The following CCDC138 variants were observed in gnomAD, a reference collection of about 807,000 sequenced individuals.
CCDC138 encodes coiled-coil domain containing 138.
Under a neutral mutation model 82.3 loss-of-function variants are expected in CCDC138, and 66 were observed. The observed-to-expected ratio is 0.80, with a 90% CI of 0.66 to 0.98. The LOEUF is 0.98. Among genes scored for constraint, CCDC138 ranks in the 50% least tolerant of loss-of-function variants. The probability of loss-of-function intolerance (pLI) is 0.00; values close to 1 mark genes in which losing one functional copy is unlikely to be tolerated. For synonymous variants in CCDC138, 297 were observed against 265.4 expected, an observed-to-expected ratio of 1.12 and a Z score of -1.16; for missense variants, 816 against 758.9, an observed-to-expected ratio of 1.08 and a Z score of -0.88.
chr2:108,859,134 T>A (rs562580628), intron 13 of CCDC138, among the ~76,000 whole-genome samples: 1 of 152,230 alleles, frequency 6.6e-6, no homozygotes, highest in Non-Finnish European at 1.5e-5. Flanking sequence ...GGTTTTGGTT[T>A]GCATTTCAAA....
chr2:108,821,470 A>G (rs987879580), intron 10 of CCDC138, among the ~76,000 whole-genome samples: 1 of 152,226 alleles, frequency 6.6e-6, no homozygotes, highest in African/African-American at 2.4e-5. Flanking sequence ...TATAACTTTA[A>G]GATGTTTTAT....
chr2:108,798,666 C>A, intron 6 of CCDC138, 80 bp downstream of exon 6: 2 of 1,120,680 alleles, frequency 1.8e-6, no homozygotes, highest in Non-Finnish European at 2.6e-6. Context: ...CATTTTGTCA[C>A]ATTTGCTTAT....
chr2:108,827,066 CAATT>C (rs575546599), intron 10 of CCDC138, among the ~76,000 whole-genome samples: 74 of 152,220 alleles, frequency 4.9e-4, no homozygotes, highest in Middle Eastern at 6.8e-3. Flanking sequence ...TATGGTTACA[CAATT>C]AAAGGCAAGT....
chr2:108,851,158 A>G (rs1435957202), intron 12 of CCDC138, among the ~76,000 whole-genome samples: 1 of 152,168 alleles, frequency 6.6e-6, no homozygotes, highest in African/African-American at 2.4e-5. Context: ...GATGTAGATG[A>G]AGAGAGAGAC....
At chr2:108,864,490 C>T (rs1308026588) in intron 13 of CCDC138, among the ~76,000 whole-genome samples, 1 of 151,438 alleles carries the variant, frequency 6.6e-6, no homozygotes, top group African/African-American at 2.4e-5. Context: ...TAGTAAGGCC[C>T]ATCTCTACAA....
rs574701779 is a variant in CCDC138, at chr2:108,838,296, C to T, written c.1207-889C>T. On this transcript the variant is annotated intron_variant, in intron 10 of 14. Transcript: ENST00000295124. ...CCCCAACTGGAAAGGTTTTTTAAGA[C>T]GTCCAAAACATCATAATATACAGAA... Among the ~76,000 whole-genome samples the T allele has an allele frequency of 1.1e-4, 16 of 152,194 alleles. No individual in the cohort carries two copies. The East Asian group carries it at 2.9e-3, about 28-fold the overall frequency.
At chr2:108,844,834 G>A (rs1298905741) in intron 11 of CCDC138, among the ~76,000 whole-genome samples, 4 of 148,290 alleles carry the variant, frequency 2.7e-5, no homozygotes, top group Admixed American at 1.4e-4. Context: ...TGCAACCTCC[G>A]ACTCCCAGGT....
chr2:108,854,016 T>A (rs867987508), intron 12 of CCDC138, among the ~76,000 whole-genome samples: 3 of 113,898 alleles, frequency 2.6e-5, no homozygotes, highest in Non-Finnish European at 3.5e-5. Context: ...ATATAATATA[T>A]AATAAATTTA....
intron 10 of CCDC138, among the ~76,000 whole-genome samples, chr2:108,827,268 AGTT>A (rs1172380624): frequency 6.6e-6 from 1 of 152,214 alleles, no homozygotes; most frequent in Non-Finnish European, 1.5e-5. Context: ...TAAAGTATCC[AGTT>A]GCTAAAAAGC....
At chr2:108,805,391 A>G (rs1682682381) in intron 7 of CCDC138, among the ~76,000 whole-genome samples, 1 of 152,104 alleles carries the variant, frequency 6.6e-6, no homozygotes, top group Admixed American at 6.6e-5. Flanking sequence ...TCATGTTCTC[A>G]TGGTTATAAA....
intron 14 of CCDC138, among the ~76,000 whole-genome samples, chr2:108,873,960 A>G (rs1695649983): frequency 6.6e-6 from 1 of 152,184 alleles, no homozygotes. Flanking sequence ...ATTCATAAAT[A>G]CTAACGCTGA....
At chr2:108,826,202 A>G (rs1434034905) in intron 10 of CCDC138, among the ~76,000 whole-genome samples, 1 of 152,158 alleles carries the variant, frequency 6.6e-6, no homozygotes, top group Non-Finnish European at 1.5e-5. Context: ...TTCTCCATTC[A>G]GTAGTTGTCT....
Position 108,809,173 on chromosome 2 carries a change from A to G in CCDC138, c.856-3458A>G, listed in dbSNP as rs367774648. Among the ~76,000 whole-genome samples the G allele has an allele frequency of 2.6e-4, 39 of 152,116 alleles. 2 individuals carry two copies. In the East Asian group the frequency reaches 5.2e-3, roughly 20 times the overall value. On this transcript the variant is annotated intron_variant, in intron 7 of 14. Coordinates refer to ENST00000295124, the MANE Select transcript of CCDC138 (RefSeq NM_144978.3). ...GTTCTCTATGCTGTTCCATTAGTCT[A>G]TGTGTCTGTTTTTATGCCAATACTA...
downstream of CCDC138, among the ~76,000 whole-genome samples, chr2:108,879,527 A>T (rs1696230768): frequency 6.6e-6 from 1 of 152,226 alleles, no homozygotes; most frequent in South Asian, 2.1e-4. Context: ...ACTGCATATG[A>T]CAGAAACATT....
At position 108,852,714 on chromosome 2, in the gene CCDC138, A is replaced by T. The variant is rs559918480; in HGVS notation, c.1517-4080A>T. Among the ~76,000 whole-genome samples the T allele has an allele frequency of 2.6e-5, 4 of 152,268 alleles. No homozygotes were observed. The South Asian group carries it at 8.3e-4, about 32-fold the overall frequency. The stretch of plus-strand genomic sequence containing the variant: ...GGAGCTAAATGATGAGAACACATGG[A>T]TACATAAGGGGAACAACACACACTG... On this transcript the variant is annotated intron_variant, in intron 12 of 14. Coordinates refer to ENST00000295124, the MANE Select transcript of CCDC138 (RefSeq NM_144978.3).
chr2:108,811,568 T>A (rs1040976672), intron 7 of CCDC138, among the ~76,000 whole-genome samples: 1 of 152,080 alleles, frequency 6.6e-6, no homozygotes, highest in Non-Finnish European at 1.5e-5. Context: ...GTCTAGCTCA[T>A]GGTTTGTTGG....
At chr2:108,865,895 AAGACAGGGT>A (rs1694334689) in intron 13 of CCDC138, among the ~76,000 whole-genome samples, 1 of 152,144 alleles carries the variant, frequency 6.6e-6, no homozygotes, top group African/African-American at 2.4e-5. Context: ...TCAGTGCTCC[AAGACAGGGT>A]AGACATAAAC....
intron 10 of CCDC138, among the ~76,000 whole-genome samples, chr2:108,827,127 TCTAAA>T (rs1686751561): frequency 6.6e-6 from 1 of 152,166 alleles, no homozygotes; most frequent in Non-Finnish European, 1.5e-5. Context: ...TTAACATTAT[TCTAAA>T]GCAAAATGAT....
chr2:108,793,761 T>A (rs1372353972), intron 4 of CCDC138, among the ~76,000 whole-genome samples: 1 of 151,808 alleles, frequency 6.6e-6, no homozygotes, highest in Non-Finnish European at 1.5e-5. Flanking sequence ...CACGCCCGGC[T>A]AATTTTTTTT....
Sources: allele counts gnomAD v4.1 joint callset (sites outside exome capture counted in the v4.1 genomes callset), GRCh38; gene constraint gnomAD v4.1.1; transcripts MANE v1.5; gene names NCBI Gene and HGNC (gene_info 2026-07-23, HGNC 2026-07-21).